The following DCAF13 variants were observed in gnomAD, a reference collection of about 807,000 sequenced individuals.
DCAF13 encodes DDB1 and CUL4 associated factor 13.
In DCAF13, 38 loss-of-function variants were observed where a neutral mutation model predicts 59.0. The ratio of observed to expected loss-of-function variants is 0.64; its 90% CI spans 0.50 to 0.84. The LOEUF is 0.84. Among genes scored for constraint, DCAF13 ranks in the 40% least tolerant of loss-of-function variants. The pLI, the probability that DCAF13 is intolerant of heterozygous loss-of-function variation, is 0.00. For synonymous variants in DCAF13, 173 were observed against 175.0 expected, an observed-to-expected ratio of 0.99 and a Z score of 0.09; for missense variants, 469 against 558.4, an observed-to-expected ratio of 0.84 and a Z score of 1.61.
chr8:103,441,375 G>A (rs3098215), intron 9 of DCAF13, 80 bp from the exon 10 acceptor site: 306,940 of 1,359,088 alleles, frequency 0.23, 35,511 homozygotes, highest in East Asian at 0.36. Context: ...AGGTTAGGGG[G>A]AAAAGGGTGC....
At chr8:103,432,764 C>G in intron 7 of DCAF13, 23 bp downstream of exon 7, 6 of 1,442,572 alleles carry the variant, frequency 4.2e-6, no homozygotes, top group Non-Finnish European at 5.8e-6. Flanking sequence ...CTTTTAAAAA[C>G]TTGTGTATTT....
At chr8:103,438,488 C>T (rs548471894) in intron 8 of DCAF13, among the ~76,000 whole-genome samples, 3 of 150,266 alleles carry the variant, frequency 2.0e-5, no homozygotes, top group Non-Finnish European at 3.0e-5. Flanking sequence ...TGATGCCACA[C>T]GGCTCACTAC....
In DCAF13 at chr8:103,442,837, A is replaced by G. The variant is rs372990650; in HGVS notation, c.1293A>G (p.Pro431=). ...RIKHSKPGSV[P]LVSEKKKHVV... ...AACACAGCAAGCCTGGATCTGTGCC[A>G]CTTGTGTCAGAGAAGAAGAAACACG... is the stretch of plus-strand genomic sequence containing the variant. The change falls in exon 11 of 11, where the codon CCA becomes CCG. Residue 431 remains proline, a synonymous_variant. Transcript: ENST00000612750. 1 of 1,607,988 alleles carries G rather than the reference A, an allele frequency of 6.2e-7. No homozygotes were observed. Among genetic ancestry groups the G allele is most frequent in the African/African-American group, 1.3e-5 (1 of 74,840 alleles).
chr8:103,427,152 G>T lies in DCAF13; in HGVS notation c.524G>T (p.Gly175Val). The T allele has an allele frequency of 1.9e-6, 3 of 1,613,406 alleles. No individual in the cohort carries two copies. Among genetic ancestry groups the T allele is most frequent in the South Asian group, 1.1e-5 (1 of 91,042 alleles). ...AAAGAAGCTGTTTTTGCCACATGTG[G>T]ACAGCAAGTAGACATTTGGGATGAA... ...HWKEAVFATCGQQVDIWDEQR... is the reference protein window; with the variant it reads ...HWKEAVFATCVQQVDIWDEQR... The change falls in exon 5 of 11, where the codon GGA becomes GTA. Residue 175 changes from glycine (G) to valine (V), a missense_variant. This residue lies in a region of DCAF13 where 355 missense variants were observed against 399.1 expected (regional missense o/e 0.89). Transcript: ENST00000612750.
Position 103,437,989 on chromosome 8 carries a change from G to A in DCAF13, c.951-2147G>A, listed in dbSNP as rs190873075. On this transcript the variant is annotated intron_variant, in intron 8 of 10. Coordinates refer to ENST00000612750, the MANE Select transcript of DCAF13 (RefSeq NM_015420.7). ...CTCCTAATAGTAGAACTTTTGGTGA[G>A]CTTAATAAACTTAGCATATATGCAG... 7.2e-5 allele frequency among the ~76,000 whole-genome samples: 11 copies of A among 152,238 alleles called. No individual in the cohort carries two copies. The East Asian group carries it at 1.7e-3, about 24-fold the overall frequency.
chr8:103,419,169 C>T (rs2130473854), intron 1 of DCAF13, among the ~76,000 whole-genome samples: 1 of 152,046 alleles, frequency 6.6e-6, no homozygotes, highest in South Asian at 2.1e-4. Flanking sequence ...CAGGCGTGAG[C>T]CACCACGCCC....
rs1356404748 is a variant in DCAF13 at position 103,415,526 on chromosome 8, G to A, written c.70+10G>A. ...TTGGACTTACAGAGAGGTAAGATAA[G>A]TTGGTAGGGAGAAAGGGACGGTTTC... On this transcript the variant is annotated intron_variant, in intron 1 of 10. Transcript: ENST00000612750. The A allele has an allele frequency of 3.1e-6, 5 of 1,596,356 alleles. No individual in the cohort carries two copies. The African/African-American group carries it at 4.0e-5, about 13-fold the overall frequency.
chr8:103,442,972 C>A lies in DCAF13; in HGVS notation c.*90C>A. 2.3e-6 allele frequency: 2 copies of A among 887,832 alleles called. No individual in the cohort carries two copies. The highest frequency in any genetic ancestry group is 1.7e-6 in the Non-Finnish European group (1 of 585,880). 55.0% of individuals were successfully genotyped at this position (887,832 alleles called of 1,614,324 possible). ...AAAAGTGCTGGGACTAGATTAATTGCAAACATTTTAGTTATATGTGTAGAG... is the reference window on the plus strand; with the variant it reads ...AAAAGTGCTGGGACTAGATTAATTGAAAACATTTTAGTTATATGTGTAGAG... On this transcript the variant is annotated 3_prime_UTR_variant, in exon 11 of 11. Coordinates refer to ENST00000612750, the MANE Select transcript of DCAF13 (RefSeq NM_015420.7).
At position 103,433,583 on chromosome 8, in the gene DCAF13, AG is replaced by A. The variant is rs555063477; in HGVS notation, c.785+843del. ...CACTATGTAGATTTGGAAGCAAAAA[AG>A]TAGTAGTGTTAGCTCATAAAAGGAT... On this transcript the variant is annotated intron_variant, in intron 7 of 10. Coordinates refer to ENST00000612750, the MANE Select transcript of DCAF13 (RefSeq NM_015420.7). Among the ~76,000 whole-genome samples, 223 of 150,808 alleles carry A rather than the reference AG, an allele frequency of 1.5e-3. 3 individuals are homozygous for A. Among genetic ancestry groups the A allele is most frequent in the African/African-American group, 5.3e-3 (214 of 40,342 alleles).
In DCAF13 at chr8:103,432,651, T is replaced by G; in HGVS notation, c.703-8T>G. On this transcript the variant is annotated splice_region_variant and splice_polypyrimidine_tract_variant and intron_variant, in intron 6 of 10. Transcript: ENST00000612750. ...AAGTGGGAAATTCATCCATTCTTCCTTTCTCAGGTTATCTTAGATATGAGA... is the reference window on the plus strand; with the variant it reads ...AAGTGGGAAATTCATCCATTCTTCCGTTCTCAGGTTATCTTAGATATGAGA... 6.4e-7 allele frequency: 1 copy of G among 1,556,706 alleles called. No individual in the cohort carries two copies.
chr8:103,432,811 T>G, intron 7 of DCAF13, 70 bp downstream of exon 7: 1 of 933,006 alleles, frequency 1.1e-6, no homozygotes, highest in Non-Finnish European at 1.7e-6. Flanking sequence ...GTCGTACTAA[T>G]AAAATATATA....
At chr8:103,421,671 T>C (rs1356176767) in intron 3 of DCAF13, among the ~76,000 whole-genome samples, 1 of 152,212 alleles carries the variant, frequency 6.6e-6, no homozygotes, top group Non-Finnish European at 1.5e-5. Context: ...GGGTACCTCA[T>C]ATAAATAGAA....
At chr8:103,417,746 CAG>C (rs1563723668) in intron 1 of DCAF13, among the ~76,000 whole-genome samples, 1 of 151,640 alleles carries the variant, frequency 6.6e-6, no homozygotes, top group Non-Finnish European at 1.5e-5. Context: ...ATGGGGCACA[CAG>C]AAAGTTTGAA....
At chr8:103,420,625 C>A in intron 2 of DCAF13, 162 bp downstream of exon 2, 3 of 677,540 alleles carry the variant, frequency 4.4e-6, no homozygotes, top group South Asian at 3.9e-5. Context: ...TTCTTTAAAC[C>A]TAAGAAATTA....
rs1330682550 is a variant in DCAF13 at position 103,415,435 on chromosome 8, A to G, written c.-12A>G. 2 of 1,614,030 alleles carry G rather than the reference A, an allele frequency of 1.2e-6. No homozygotes were observed. The highest frequency in any genetic ancestry group is 1.3e-5 in the African/African-American group (1 of 74,926). ...GGACACCTCGTGGAGTCCGGCCGGA[A>G]GAGCAACCGAGATGAAGGTGAAGAT... On this transcript the variant is annotated 5_prime_UTR_variant, in exon 1 of 11. Transcript: ENST00000612750.
chr8:103,429,129 T>C (rs888084409), intron 5 of DCAF13: 3 of 152,168 alleles, frequency 2.0e-5, no homozygotes, highest in Non-Finnish European at 4.4e-5. Flanking sequence ...CATTGGGACG[T>C]TTTACAGTGT....
intron 3 of DCAF13, among the ~76,000 whole-genome samples, chr8:103,421,460 C>T (rs1161422904): frequency 6.6e-6 from 1 of 152,154 alleles, no homozygotes; most frequent in Non-Finnish European, 1.5e-5. Flanking sequence ...GTAAAATTTA[C>T]TCTCTGTTTT....
intron 3 of DCAF13, among the ~76,000 whole-genome samples, chr8:103,423,004 A>G (rs921870372): frequency 6.6e-6 from 1 of 152,198 alleles, no homozygotes; most frequent in Non-Finnish European, 1.5e-5. Flanking sequence ...GGTGTAAAAA[A>G]AAAAAACTTA....
At chr8:103,428,106 AAGTAAGGTTGAGTCAAAAT>A in intron 5 of DCAF13, 1 of 152,326 alleles carries the variant, frequency 6.6e-6, no homozygotes, top group Admixed American at 6.5e-5. Flanking sequence ...AAAAGATAGG[AAGTAAGGTTGAGTCAAAAT>A]AGTAAGGTAT....
Sources: gnomAD v4.1 joint callset for allele counts (sites outside exome capture counted in the v4.1 genomes callset) on GRCh38, gnomAD v4.1.1 for gene constraint, gnomAD v4.1.1 regional missense constraint, MANE v1.5 for transcripts, NCBI Gene and HGNC (gene_info 2026-07-23, HGNC 2026-07-21) for gene names.